The following MB21D2 variants were observed in gnomAD, a reference collection of about 807,000 sequenced individuals.
MB21D2 encodes the protein nucleotidyltransferase MB21D2.
Under a neutral mutation model 33.3 loss-of-function variants are expected in MB21D2, and 9 were observed. That is an observed-to-expected ratio of 0.27 (90% confidence interval 0.16 to 0.47). MB21D2 has a LOEUF of 0.47. Among genes scored for constraint, MB21D2 ranks in the 20% least tolerant of loss-of-function variants. The probability of loss-of-function intolerance (pLI) is 0.99; values close to 1 mark genes in which losing one functional copy is unlikely to be tolerated. For missense variants in MB21D2, 540 were observed against 624.6 expected (o/e 0.86, Z 1.44); for synonymous variants, 241 against 236.3 (o/e 1.02, Z -0.18).
chr3:192,810,992 G>C (rs1037774893), intron 1 of MB21D2, among the ~76,000 whole-genome samples: 3 of 152,126 alleles, frequency 2.0e-5, no homozygotes, highest in Non-Finnish European at 2.9e-5. Context: ...GGCAGTCCCC[G>C]AGATGTTCCC....
At chr3:192,898,949 T>C (rs1714035638) in intron 1 of MB21D2, among the ~76,000 whole-genome samples, 1 of 152,202 alleles carries the variant, frequency 6.6e-6, no homozygotes, top group Non-Finnish European at 1.5e-5. Context: ...GGATGTGCTA[T>C]TTTCAAAGAA....
At chr3:192,897,350 C>T (rs1186223281) in intron 1 of MB21D2, among the ~76,000 whole-genome samples, 2 of 152,178 alleles carry the variant, frequency 1.3e-5, no homozygotes, top group Non-Finnish European at 2.9e-5. Context: ...GGCTCCTGCT[C>T]ACAAGCCTCT....
chr3:192,909,404 A>G (rs1412087146), intron 1 of MB21D2, among the ~76,000 whole-genome samples: 1 of 152,212 alleles, frequency 6.6e-6, no homozygotes, highest in Non-Finnish European at 1.5e-5. Context: ...GCAGCAGTAA[A>G]CATTTTTTGA....
At chr3:192,851,491 GTTT>G (rs34763701) in intron 1 of MB21D2, among the ~76,000 whole-genome samples, 3 of 97,594 alleles carry the variant, frequency 3.1e-5, no homozygotes, top group South Asian at 3.4e-4. Context: ...TTTTTTGTCT[GTTT>G]TTTTTTTTTT....
In MB21D2 at chr3:192,907,309, C is replaced by G. The variant is rs886580688; in HGVS notation, c.211+10321G>C. Among the ~76,000 whole-genome samples the G allele has an allele frequency of 2.6e-5, 4 of 152,158 alleles. No individual in the cohort carries two copies. The South Asian group carries it at 6.2e-4, about 24-fold the overall frequency. On this transcript the variant is annotated intron_variant, in intron 1 of 1. Coordinates refer to ENST00000392452, the MANE Select transcript of MB21D2 (RefSeq NM_178496.4). Reference sequence around the variant, plus strand: ...AGGGCTTGTATTTACTCATTCCACTCTCAGTCAGATTCACCCCCTATATAC... The same window carrying G: ...AGGGCTTGTATTTACTCATTCCACTGTCAGTCAGATTCACCCCCTATATAC...
chr3:192,915,796 A>C (rs531526477), intron 1 of MB21D2, among the ~76,000 whole-genome samples: 3 of 152,248 alleles, frequency 2.0e-5, no homozygotes, highest in African/African-American at 7.2e-5. Context: ...CAGGCACTTA[A>C]ATTTACCCTC....
intron 1 of MB21D2, among the ~76,000 whole-genome samples, chr3:192,842,325 G>A (rs757411589): frequency 6.6e-6 from 1 of 152,202 alleles, no homozygotes; most frequent in African/African-American, 2.4e-5. Context: ...CTTGGTCATT[G>A]AATATGTGTG....
intron 1 of MB21D2, among the ~76,000 whole-genome samples, chr3:192,861,698 G>C (rs1029046962): frequency 6.6e-6 from 1 of 152,190 alleles, no homozygotes; most frequent in African/African-American, 2.4e-5. Context: ...CAGCTACTCG[G>C]GAGGCTAAGG....
intron 1 of MB21D2, among the ~76,000 whole-genome samples, chr3:192,855,500 C>A (rs903533495): frequency 6.6e-6 from 1 of 152,206 alleles, no homozygotes; most frequent in Non-Finnish European, 1.5e-5. Context: ...GTGCGATTCA[C>A]TTTATTGCAA....
chr3:192,805,449 G>A (rs1446168563), intron 1 of MB21D2, among the ~76,000 whole-genome samples: 1 of 152,196 alleles, frequency 6.6e-6, no homozygotes, highest in Non-Finnish European at 1.5e-5. Flanking sequence ...CATAATTTGA[G>A]ACAACTGCAT....
intron 1 of MB21D2, among the ~76,000 whole-genome samples, chr3:192,840,474 G>A (rs1388148572): frequency 2.4e-5 from 3 of 126,698 alleles, no homozygotes; most frequent in Admixed American, 1.0e-4. Flanking sequence ...AAGCTAAGTC[G>A]TGGTATCCAG....
At chr3:192,853,561 A>C (rs1196806205) in intron 1 of MB21D2, among the ~76,000 whole-genome samples, 1 of 152,196 alleles carries the variant, frequency 6.6e-6, no homozygotes, top group East Asian at 1.9e-4. Flanking sequence ...CAAATGAATC[A>C]ATGACCCAAA....
chr3:192,884,609 T>A (rs573420761), intron 1 of MB21D2, among the ~76,000 whole-genome samples: 4 of 151,930 alleles, frequency 2.6e-5, no homozygotes, highest in Admixed American at 6.5e-5. Context: ...CCTCGTGATC[T>A]GCCCGCCTTG....
At chr3:192,912,964 A>G (rs1283306637) in intron 1 of MB21D2, among the ~76,000 whole-genome samples, 2 of 152,242 alleles carry the variant, frequency 1.3e-5, no homozygotes, top group Non-Finnish European at 2.9e-5. Flanking sequence ...AAGTTGTGGA[A>G]AAAAGATTAC....
At chr3:192,837,832 T>C (rs1712472978) in intron 1 of MB21D2, among the ~76,000 whole-genome samples, 6 of 152,214 alleles carry the variant, frequency 3.9e-5, no homozygotes, top group Admixed American at 3.9e-4. Flanking sequence ...AACTGAGAAG[T>C]AGCCAGTGCC....
At chr3:192,904,195 T>C (rs181613484) in intron 1 of MB21D2, among the ~76,000 whole-genome samples, 1 of 152,316 alleles carries the variant, frequency 6.6e-6, no homozygotes, top group Non-Finnish European at 1.5e-5. Context: ...AGAGAAAATG[T>C]ATTCAGAAGA....
chr3:192,826,599 T>C (rs1712177520), intron 1 of MB21D2, among the ~76,000 whole-genome samples: 1 of 152,236 alleles, frequency 6.6e-6, no homozygotes, highest in Non-Finnish European at 1.5e-5. Flanking sequence ...TAAGTTTTAA[T>C]AAAAGTCAAC....
In MB21D2 at chr3:192,811,266, A is replaced by G. The variant is rs76095034; in HGVS notation, c.212-11616T>C. On this transcript the variant is annotated intron_variant, in intron 1 of 1. Coordinates refer to ENST00000392452, the MANE Select transcript of MB21D2 (RefSeq NM_178496.4). Reference sequence around the variant, plus strand: ...CAGAATCTTTATTGGCTTTTCTCTCATCTGTCTCAATTGCTGTATTCCCTC... The same window carrying G: ...CAGAATCTTTATTGGCTTTTCTCTCGTCTGTCTCAATTGCTGTATTCCCTC... 3.1e-3 allele frequency among the ~76,000 whole-genome samples: 468 copies of G among 152,260 alleles called. 1 individual carries two copies. The highest frequency in any genetic ancestry group is 5.8e-3 in the Non-Finnish European group (392 of 68,010).
intron 1 of MB21D2, among the ~76,000 whole-genome samples, chr3:192,914,196 G>A (rs566651045): frequency 9.9e-5 from 15 of 152,222 alleles, no homozygotes; most frequent in South Asian, 6.2e-4. Context: ...TGTGACCCTG[G>A]ATATCCACTT....
Sources: allele counts gnomAD v4.1 joint callset (sites outside exome capture counted in the v4.1 genomes callset), GRCh38; gene constraint gnomAD v4.1.1; transcripts MANE v1.5; gene names NCBI Gene and HGNC (gene_info 2026-07-23, HGNC 2026-07-21).